Variants in LRRC26 observed in about 807,000 individuals in gnomAD.
LRRC26 encodes the protein leucine rich repeat containing 26.
LRRC26 carries 17 observed loss-of-function variants against 15.3 expected under a neutral mutation model. The ratio of observed to expected loss-of-function variants is 1.11; its 90% CI spans 0.76 to 1.66. The LOEUF is 1.66. LRRC26 is among the 40% of genes most tolerant of loss of function. The pLI is 0.00. For missense variants in LRRC26, 573 were observed against 501.0 expected, an observed-to-expected ratio of 1.14 and a Z score of -1.37; for synonymous variants, 301 against 272.1, an observed-to-expected ratio of 1.11 and a Z score of -1.05.
In LRRC26 at chr9:137,169,437, C is replaced by G. The variant is rs745398064; in HGVS notation, c.507G>C (p.Leu169=). 4.0e-6 allele frequency: 6 copies of G among 1,517,656 alleles called. No individual in the cohort carries two copies. Among genetic ancestry groups the G allele is most frequent in the South Asian group, 2.4e-5 (2 of 81,834 alleles). 94.0% of individuals were successfully genotyped at this position (1,517,656 alleles called of 1,614,324 possible). The change falls in exon 1 of 2, where the codon CTG becomes CTC. Residue 169 remains leucine (L), a synonymous_variant. Transcript: ENST00000371542. ...EPAALGALPL[L]RSLSLQDNEL... is the part of the protein sequence containing the mutation. ...CGTTGTCCTGCAGGCTGAGTGAGCG[C>G]AGCAGCGGGAGCGCGCCTAGCGCCG...
Position 137,169,401 on chromosome 9 carries a change from T to A in LRRC26, c.543A>T (p.Ala181=). 6.6e-7 allele frequency: 1 copy of A among 1,503,828 alleles called. No individual in the cohort carries two copies. Among genetic ancestry groups the A allele is most frequent in the Non-Finnish European group, 8.8e-7 (1 of 1,135,790 alleles). The allele number at this position is 1,503,828 out of a possible 1,614,324, so 93.2% of individuals were successfully genotyped here. ...GGCGGCCCAGCAGCCCCGGCGCGAG[T>A]GCCGCCAGCTCGTTGTCCTGCAGGC... ...SLSLQDNELA[A]LAPGLLGRLP... Residue 181 remains alanine, a synonymous_variant, in exon 1 of 2, where the codon GCA becomes GCT. Transcript: ENST00000371542.
chr9:137,169,911 C>T lies in LRRC26; in HGVS notation c.33G>A (p.Pro11=). ...ACAGCAGCAGCAACAGCAGCAGCAG[C>T]GGCCGAGGCCGCGACCAGGAAGGGC... MRGPSWSRPR[P]LLLLLLLLSP... is the part of the protein sequence containing the mutation. Residue 11 remains proline (P), a synonymous_variant, in exon 1 of 2, where the codon CCG becomes CCA. Transcript: ENST00000371542. 10 of 1,471,314 alleles carry T rather than the reference C, an allele frequency of 6.8e-6. No homozygotes were observed. The highest frequency in any genetic ancestry group is 8.9e-6 in the Non-Finnish European group (10 of 1,121,002). 91.1% of individuals were successfully genotyped at this position (1,471,314 alleles called of 1,614,324 possible).
Position 137,169,388 on chromosome 9 carries a change from GC to G in LRRC26, c.555del (p.Leu186CysfsTer8). ...TCTAGAGCGGGCAGGCGGCCCAGCAGCCCCGGCGCGAGTGCCGCCAGCTCGT... is the reference window on the plus strand; with the variant it reads ...TCTAGAGCGGGCAGGCGGCCCAGCAGCCCGGCGCGAGTGCCGCCAGCTCGT... ...QDNELAALAPGLLGRLPALDA... is the reference protein window; with the variant it reads ...QDNELAALAPXLLGRLPALDA... On this transcript the variant is annotated frameshift_variant, in exon 1 of 2. Coordinates refer to ENST00000371542, the MANE Select transcript of LRRC26 (RefSeq NM_001013653.3). LOFTEE classifies it high-confidence loss of function. 6.7e-7 allele frequency: 1 copy of G among 1,499,252 alleles called. No homozygotes were observed. The highest frequency in any genetic ancestry group is 8.8e-7 in the Non-Finnish European group (1 of 1,133,394). The allele number at this position is 1,499,252 out of a possible 1,614,324, so 92.9% of individuals were successfully genotyped here. A position where few individuals can be genotyped will look rare whatever the true frequency, so the allele number is the denominator to read the frequency against.
chr9:137,169,301 A>AGC lies in LRRC26; in HGVS notation c.642_643insGC (p.Trp215AlafsTer24). On this transcript the variant is annotated frameshift_variant, in exon 1 of 2. Coordinates refer to ENST00000371542, the MANE Select transcript of LRRC26 (RefSeq NM_001013653.3). LOFTEE classifies it low-confidence loss of function (END_TRUNC). ...GCGGGCAGCGGGTGCCGGCGCAGCC[A>AGC]GGCGCAGAGCGGGCGCAGCGCGCAC... The AGC allele has an allele frequency of 7.1e-7, 1 of 1,409,350 alleles. No homozygotes were observed. Among genetic ancestry groups the AGC allele is most frequent in the South Asian group, 1.5e-5 (1 of 67,094 alleles). 87.3% of individuals were successfully genotyped at this position (1,409,350 alleles called of 1,614,324 possible). A position where few individuals can be genotyped will look rare whatever the true frequency, so the allele number is the denominator to read the frequency against.
rs770968666 is a variant in LRRC26 at position 137,168,958 on chromosome 9, C to T, written c.901G>A (p.Ala301Thr). 59 of 1,397,104 alleles carry T rather than the reference C, an allele frequency of 4.2e-5. No homozygotes were observed. Among genetic ancestry groups the T allele is most frequent in the Non-Finnish European group, 5.2e-5 (56 of 1,082,446 alleles). The allele number at this position is 1,397,104 out of a possible 1,614,324, so 86.5% of individuals were successfully genotyped here. ...TCTGGCGGTCTCGGCGGGCGGAGGGCGGCGGTGCGGAGGCGGCGGCGGCGC... is the reference window on the plus strand; with the variant it reads ...TCTGGCGGTCTCGGCGGGCGGAGGGTGGCGGTGCGGAGGCGGCGGCGGCGC... ...RARRRRLRTA[A>T]LRPPRPPDPN... The change falls in exon 2 of 2, where the codon GCC (alanine) becomes ACC (threonine). Residue 301 changes from alanine (A) to threonine (T), a missense_variant. Ala to Thr is a moderately conservative substitution (Grantham distance 58). Coordinates refer to ENST00000371542, the MANE Select transcript of LRRC26 (RefSeq NM_001013653.3).
Position 137,169,378 on chromosome 9 carries a change from C to G in LRRC26, c.566G>C (p.Arg189Pro), listed in dbSNP as rs574312297. Residue 189 changes from arginine to proline, a missense_variant, in exon 1 of 2, where the codon CGC becomes CCC. Arg to Pro is a moderately radical substitution (Grantham distance 103, BLOSUM62 -2). Transcript: ENST00000371542. ...GTGCAGCGCGTCTAGAGCGGGCAGG[C>G]GGCCCAGCAGCCCCGGCGCGAGTGC... is the stretch of plus-strand genomic sequence containing the variant. ...LAALAPGLLGRLPALDALHLR... is the reference protein window; with the variant it reads ...LAALAPGLLGPLPALDALHLR... 1.1e-4 allele frequency: 157 copies of G among 1,487,366 alleles called. No individual in the cohort carries two copies. Among genetic ancestry groups the G allele is most frequent in the Non-Finnish European group, 1.2e-4 (138 of 1,128,108 alleles). 92.1% of individuals were successfully genotyped at this position (1,487,366 alleles called of 1,614,324 possible).
Position 137,169,122 on chromosome 9 carries a change from GA to G in LRRC26, c.736del (p.Ser246ProfsTer?), listed in dbSNP as rs1588749008. The stretch of plus-strand genomic sequence containing the variant: ...CGCGCAATGGCTAAAGGCGGCGTCG[GA>G]AAAGGCAGTCAGGGGGCTGAGCGTC... ...RLTLSPLTAF[S>X]DAAFSHCAQP... On this transcript the variant is annotated frameshift_variant, in exon 2 of 2. Transcript: ENST00000371542. LOFTEE classifies it low-confidence loss of function (END_TRUNC). 22 of 1,560,498 alleles carry G rather than the reference GA, an allele frequency of 1.4e-5. No individual in the cohort carries two copies. The highest frequency in any genetic ancestry group is 1.0e-4 in the East Asian group (4 of 39,118).
Position 137,168,805 on chromosome 9 carries a change from G to A in LRRC26, c.*49C>T, listed in dbSNP as rs1834011434. On this transcript the variant is annotated 3_prime_UTR_variant, in exon 2 of 2. Transcript: ENST00000371542. ...GACGCCGGCAGACAGTGTAAAGGGA[G>A]GGCAAAGGCATGGGGGAAGCTTCGA... is the stretch of plus-strand genomic sequence containing the variant. 1 of 1,199,476 alleles carries A rather than the reference G, an allele frequency of 8.3e-7. No individual in the cohort carries two copies. Among genetic ancestry groups the A allele is most frequent in the Non-Finnish European group, 1.0e-6 (1 of 961,710 alleles). 74.3% of individuals were successfully genotyped at this position (1,199,476 alleles called of 1,614,324 possible).
rs770327285 is a variant in LRRC26, at chr9:137,169,181, G to A, written c.678C>T (p.Ala226=). 1.3e-6 allele frequency: 2 copies of A among 1,489,070 alleles called. No homozygotes were observed. Among genetic ancestry groups the A allele is most frequent in the East Asian group, 2.7e-5 (1 of 36,482 alleles). 92.2% of individuals were successfully genotyped at this position (1,489,070 alleles called of 1,614,324 possible). Residue 226 remains alanine (A), a synonymous_variant, in exon 2 of 2, where the codon GCC becomes GCT. Coordinates refer to ENST00000371542, the MANE Select transcript of LRRC26 (RefSeq NM_001013653.3). ...CCGGCCACACGCAGAGCACCGTCTCGGCCTCTGTGGGACACAGACAAAGGC... is the reference window on the plus strand; with the variant it reads ...CCGGCCACACGCAGAGCACCGTCTCAGCCTCTGTGGGACACAGACAAAGGC... ...LRRHPLPASE[A]ETVLCVWPGR...
chr9:137,169,582 A>G lies in LRRC26; in HGVS notation c.362T>C (p.Leu121Pro). Residue 121 changes from leucine (L) to proline (P), a missense_variant, in exon 1 of 2, where the codon CTG becomes CCG. Coordinates refer to ENST00000371542, the MANE Select transcript of LRRC26 (RefSeq NM_001013653.3). The part of the protein sequence containing the change: ...HVRAFWGLGA[L>P]QLLDLSANQL... ...GTTGGCGCTCAGGTCCAGCAGCTGC[A>G]GCGCGCCCAGGCCCCAGAAGGCTCG... 5.3e-6 allele frequency: 8 copies of G among 1,522,960 alleles called. No homozygotes were observed. Among genetic ancestry groups the G allele is most frequent in the South Asian group, 1.2e-5 (1 of 82,086 alleles). The allele number at this position is 1,522,960 out of a possible 1,614,324, so 94.3% of individuals were successfully genotyped here.
Position 137,169,400 on chromosome 9 carries a change from G to A in LRRC26, c.544C>T (p.Leu182Phe). ...LSLQDNELAALAPGLLGRLPA... is the reference protein window; with the variant it reads ...LSLQDNELAAFAPGLLGRLPA... The stretch of plus-strand genomic sequence containing the variant: ...AGGCGGCCCAGCAGCCCCGGCGCGA[G>A]TGCCGCCAGCTCGTTGTCCTGCAGG... The change falls in exon 1 of 2, where the codon CTC (leucine) becomes TTC (phenylalanine). Residue 182 changes from leucine (L) to phenylalanine (F), a missense_variant. Coordinates refer to ENST00000371542, the MANE Select transcript of LRRC26 (RefSeq NM_001013653.3). The A allele has an allele frequency of 6.6e-7, 1 of 1,504,524 alleles. No homozygotes were observed. The highest frequency in any genetic ancestry group is 2.7e-5 in the East Asian group (1 of 36,496). The allele number at this position is 1,504,524 out of a possible 1,614,324, so 93.2% of individuals were successfully genotyped here. A position where few individuals can be genotyped will look rare whatever the true frequency, so the allele number is the denominator to read the frequency against.
In LRRC26 at chr9:137,169,109, A is replaced by G; in HGVS notation, c.750T>C (p.Phe250=). The change falls in exon 2 of 2, where the codon TTT becomes TTC. Residue 250 remains phenylalanine, a synonymous_variant. Transcript: ENST00000371542. ...GGGCGAGCGGCTGCGCGCAATGGCT[A>G]AAGGCGGCGTCGGAAAAGGCAGTCA... ...SPLTAFSDAA[F]SHCAQPLALR... 1 of 1,562,000 alleles carries G rather than the reference A, an allele frequency of 6.4e-7. No homozygotes were observed. The highest frequency in any genetic ancestry group is 1.2e-5 in the South Asian group (1 of 85,948).
chr9:137,168,840 G>A lies in LRRC26; in HGVS notation c.*14C>T. 8.1e-7 allele frequency: 1 copy of A among 1,234,166 alleles called. No individual in the cohort carries two copies. Among genetic ancestry groups the A allele is most frequent in the Non-Finnish European group, 1.0e-6 (1 of 990,974 alleles). The allele number at this position is 1,234,166 out of a possible 1,614,324, so 76.5% of individuals were successfully genotyped here. A position where few individuals can be genotyped will look rare whatever the true frequency, so the allele number is the denominator to read the frequency against. Reference sequence around the variant, plus strand: ...ATGGGGGAAGCTTCGAGCGCTCCAGGCGGCCGCGGCCGCTCAGGCTTGGGC... The same window carrying A: ...ATGGGGGAAGCTTCGAGCGCTCCAGACGGCCGCGGCCGCTCAGGCTTGGGC... On this transcript the variant is annotated 3_prime_UTR_variant, in exon 2 of 2. Transcript: ENST00000371542.
Position 137,169,391 on chromosome 9 carries a change from C to T in LRRC26, c.553G>A (p.Gly185Arg), listed in dbSNP as rs779045466. 152 of 1,500,912 alleles carry T rather than the reference C, an allele frequency of 1.0e-4. 4 individuals are homozygous for T. The South Asian group carries it at 1.8e-3, about 18-fold the overall frequency. The allele number at this position is 1,500,912 out of a possible 1,614,324, so 93.0% of individuals were successfully genotyped here. A position where few individuals can be genotyped will look rare whatever the true frequency, so the allele number is the denominator to read the frequency against. Residue 185 changes from glycine (G) to arginine (R), a missense_variant, in exon 1 of 2, where the codon GGG becomes AGG. Transcript: ENST00000371542. ...QDNELAALAP[G>R]LLGRLPALDA... ...AGAGCGGGCAGGCGGCCCAGCAGCC[C>T]CGGCGCGAGTGCCGCCAGCTCGTTG...
Position 137,169,480 on chromosome 9 carries a change from A to G in LRRC26, c.464T>C (p.Leu155Pro). The G allele has an allele frequency of 6.6e-7, 1 of 1,521,286 alleles. No homozygotes were observed. The highest frequency in any genetic ancestry group is 8.8e-7 in the Non-Finnish European group (1 of 1,141,740). The allele number at this position is 1,521,286 out of a possible 1,614,324, so 94.2% of individuals were successfully genotyped here. A position where few individuals can be genotyped will look rare whatever the true frequency, so the allele number is the denominator to read the frequency against. Residue 155 changes from leucine (L) to proline (P), a missense_variant, in exon 1 of 2, where the codon CTG (leucine) becomes CCG (proline). Physicochemically the swap from Leu to Pro is moderately conservative, Grantham distance 98 (BLOSUM62 -3). Transcript: ENST00000371542. ...LRNLSLAGNRLARLEPAALGA... is the reference protein window; with the variant it reads ...LRNLSLAGNRPARLEPAALGA... Reference sequence around the variant, plus strand: ...TAGCGCCGCGGGCTCCAGGCGCGCCAGCCGGTTGCCGGCCAATGAGAGGTT... The same window carrying G: ...TAGCGCCGCGGGCTCCAGGCGCGCCGGCCGGTTGCCGGCCAATGAGAGGTT...
Position 137,169,413 on chromosome 9 carries a change from G to T in LRRC26, c.531C>A (p.Asn177Lys). The T allele has an allele frequency of 1.3e-6, 2 of 1,510,272 alleles. No homozygotes were observed. Among genetic ancestry groups the T allele is most frequent in the Non-Finnish European group, 1.8e-6 (2 of 1,138,802 alleles). 93.6% of individuals were successfully genotyped at this position (1,510,272 alleles called of 1,614,324 possible). The change falls in exon 1 of 2, where the codon AAC becomes AAA. Residue 177 changes from asparagine (N) to lysine (K), a missense_variant. Coordinates refer to ENST00000371542, the MANE Select transcript of LRRC26 (RefSeq NM_001013653.3). ...GCCCCGGCGCGAGTGCCGCCAGCTC[G>T]TTGTCCTGCAGGCTGAGTGAGCGCA... is the stretch of plus-strand genomic sequence containing the variant. ...PLLRSLSLQD[N>K]ELAALAPGLL...
Position 137,169,370 on chromosome 9 carries a change from C to T in LRRC26, c.574G>A (p.Ala192Thr), listed in dbSNP as rs763852488. The T allele has an allele frequency of 2.2e-5, 32 of 1,483,656 alleles. No individual in the cohort carries two copies. The African/African-American group carries it at 2.2e-4, about 10-fold the overall frequency. 91.9% of individuals were successfully genotyped at this position (1,483,656 alleles called of 1,614,324 possible). Residue 192 changes from alanine (A) to threonine (T), a missense_variant, in exon 1 of 2, where the codon GCT becomes ACT. Transcript: ENST00000371542. The stretch of plus-strand genomic sequence containing the variant: ...CCGCGCAGGTGCAGCGCGTCTAGAG[C>T]GGGCAGGCGGCCCAGCAGCCCCGGC... ...LAPGLLGRLPALDALHLRGNP... is the reference protein window; with the variant it reads ...LAPGLLGRLPTLDALHLRGNP...
rs759029024 is a variant in LRRC26 at position 137,169,349 on chromosome 9, G to A, written c.595C>T (p.Arg199Cys). 1.4e-4 allele frequency: 202 copies of A among 1,462,418 alleles called. 1 individual carries two copies. The highest frequency in any genetic ancestry group is 1.4e-4 in the Non-Finnish European group (152 of 1,116,510). 90.6% of individuals were successfully genotyped at this position (1,462,418 alleles called of 1,614,324 possible). ...RLPALDALHL[R>C]GNPWGCGCAL... ...CACCCGCAGCCCCAAGGGTTGCCGCGCAGGTGCAGCGCGTCTAGAGCGGGC... is the reference window on the plus strand; with the variant it reads ...CACCCGCAGCCCCAAGGGTTGCCGCACAGGTGCAGCGCGTCTAGAGCGGGC... Residue 199 changes from arginine (R) to cysteine (C), a missense_variant, in exon 1 of 2, where the codon CGC becomes TGC. Coordinates refer to ENST00000371542, the MANE Select transcript of LRRC26 (RefSeq NM_001013653.3).
rs1588748330 is a variant in LRRC26 at position 137,168,812 on chromosome 9, G to A, written c.*42C>T. The A allele has an allele frequency of 4.9e-6, 6 of 1,216,032 alleles. No individual in the cohort carries two copies. Among genetic ancestry groups the A allele is most frequent in the Admixed American group, 4.3e-5 (1 of 23,230 alleles). The allele number at this position is 1,216,032 out of a possible 1,614,324, so 75.3% of individuals were successfully genotyped here. ...GCAGACAGTGTAAAGGGAGGGCAAA[G>A]GCATGGGGGAAGCTTCGAGCGCTCC... On this transcript the variant is annotated 3_prime_UTR_variant, in exon 2 of 2. Transcript: ENST00000371542.
Sources: allele counts gnomAD v4.1 joint callset, GRCh38; gene constraint gnomAD v4.1.1; transcripts MANE v1.5; gene names NCBI Gene and HGNC (gene_info 2026-07-23, HGNC 2026-07-21).